The following HMGA2 variants were observed in gnomAD, a reference collection of about 807,000 sequenced individuals.
The protein encoded by HMGA2 is high mobility group protein HMGI-C.
In HMGA2, 8 loss-of-function variants were observed where a neutral mutation model predicts 19.1. The observed-to-expected ratio is 0.42, with a 90% CI of 0.25 to 0.76. The LOEUF is 0.76. Ranked by LOEUF, HMGA2 falls within the 30% of genes least tolerant of loss-of-function variation. The probability of loss-of-function intolerance (pLI) is 0.28; values close to 1 mark genes in which losing one functional copy is unlikely to be tolerated. For missense variants in HMGA2, 109 were observed against 136.3 expected, an observed-to-expected ratio of 0.80 and a Z score of 1.00; for synonymous variants, 60 against 48.8, an observed-to-expected ratio of 1.23 and a Z score of -0.96.
rs372718814 is a variant in HMGA2 at position 65,964,299 on chromosome 12, AAG to A, written c.*1008_*1009del. On this transcript the variant is annotated 3_prime_UTR_variant, in exon 5 of 5. Transcript: ENST00000403681. ...ATCAATTTAAAAAGCAAAAAAAAAA[AAG>A]GGGGGGGCAATCTCTCTCTGTGTCT... 33,055 of 207,284 alleles carry A rather than the reference AAG, an allele frequency of 0.16. 2,791 individuals carry two copies. Among genetic ancestry groups the A allele is most frequent in the South Asian group, 0.32 (1,635 of 5,136 alleles). The allele number at this position is 207,284 out of a possible 1,614,324, so 12.8% of individuals were successfully genotyped here.
rs774399701 is a variant in HMGA2, at chr12:65,964,617, A to AG, written c.*1326dup. On this transcript the variant is annotated 3_prime_UTR_variant, in exon 5 of 5. Transcript: ENST00000403681. ...CATGCTGCTATACACAAGCAATGCA[A>AG]GAAAAAAACTTACTGGGTAGGTGAT... is the stretch of plus-strand genomic sequence containing the variant. 2.3e-4 allele frequency: 49 copies of AG among 214,218 alleles called. No individual in the cohort carries two copies. The highest frequency in any genetic ancestry group is 4.1e-4 in the Admixed American group (7 of 17,116). The allele number at this position is 214,218 out of a possible 1,614,324, so 13.3% of individuals were successfully genotyped here.
intron 3 of HMGA2, chr12:65,876,758 G>A (rs535634080): frequency 6.6e-6 from 1 of 152,278 alleles, no homozygotes; most frequent in South Asian, 2.1e-4. Flanking sequence ...GAGCTTTCCA[G>A]ACAGCCTCCG....
intron 3 of HMGA2, chr12:65,866,936 G>A (rs73119894): frequency 0.025 from 11,482 of 456,972 alleles, 254 homozygotes; most frequent in South Asian, 0.05. Flanking sequence ...ATAGGAACAT[G>A]TGCCTTCCCA....
intron 3 of HMGA2, among the ~76,000 whole-genome samples, chr12:65,853,854 C>T (rs930123783): frequency 1.3e-5 from 2 of 152,206 alleles, no homozygotes; most frequent in Non-Finnish European, 2.9e-5. Flanking sequence ...GCCACCAAAG[C>T]ATTAAGTTCC....
chr12:65,949,411 G>T (rs904797111), intron 3 of HMGA2, among the ~76,000 whole-genome samples: 1 of 152,058 alleles, frequency 6.6e-6, no homozygotes, highest in Non-Finnish European at 1.5e-5. Context: ...AATAGTGAAC[G>T]TATCCTAAGT....
intron 3 of HMGA2, among the ~76,000 whole-genome samples, chr12:65,906,766 A>G (rs1445988023): frequency 6.6e-6 from 1 of 152,262 alleles, no homozygotes; most frequent in Non-Finnish European, 1.5e-5. Flanking sequence ...TATGCTAAAC[A>G]TTAAGTTCTG....
At chr12:65,954,626 A>T (rs2121318533) in intron 4 of HMGA2, 1 of 152,340 alleles carries the variant, frequency 6.6e-6, no homozygotes, top group African/African-American at 2.4e-5. Context: ...GTTTGTGTAT[A>T]CAAGTACATG....
chr12:65,889,164 T>C (rs1173887901), intron 3 of HMGA2, among the ~76,000 whole-genome samples: 2 of 152,260 alleles, frequency 1.3e-5, no homozygotes, highest in Non-Finnish European at 2.9e-5. Flanking sequence ...CCTTGTCCAA[T>C]GTTCAACTAG....
intron 3 of HMGA2, among the ~76,000 whole-genome samples, chr12:65,874,779 C>G (rs546507631): frequency 6.6e-6 from 1 of 152,176 alleles, no homozygotes; most frequent in Admixed American, 6.5e-5. Flanking sequence ...TTCACAAGTA[C>G]GCTTAAAAAT....
Position 65,963,745 on chromosome 12 carries a change from G to A in HMGA2, c.*453G>A. 3.3e-6 allele frequency: 1 copy of A among 301,084 alleles called. No individual in the cohort carries two copies. Among genetic ancestry groups the A allele is most frequent in the Non-Finnish European group, 6.2e-6 (1 of 161,302 alleles). 18.7% of individuals were successfully genotyped at this position (301,084 alleles called of 1,614,324 possible). A position where few individuals can be genotyped will look rare whatever the true frequency, so the allele number is the denominator to read the frequency against. On this transcript the variant is annotated 3_prime_UTR_variant, in exon 5 of 5. Transcript: ENST00000403681. Reference sequence around the variant, plus strand: ...GGAAGAACGCGGTGTGTAACACTGTGTACACCTCAAATACCACCCCAACCC... The same window carrying A: ...GGAAGAACGCGGTGTGTAACACTGTATACACCTCAAATACCACCCCAACCC...
intron 4 of HMGA2, among the ~76,000 whole-genome samples, chr12:65,961,809 G>T (rs1487343224): frequency 6.6e-6 from 1 of 151,854 alleles, no homozygotes; most frequent in Non-Finnish European, 1.5e-5. Flanking sequence ...ATTCTTGTGG[G>T]GTTTTTTTCT....
At chr12:65,947,729 A>G (rs79870102) in intron 3 of HMGA2, among the ~76,000 whole-genome samples, 1,753 of 152,352 alleles carry the variant, frequency 0.012, 20 homozygotes, top group Middle Eastern at 0.02. Context: ...AGGCTTTGCT[A>G]TCTGTTCACT....
Position 65,825,488 on chromosome 12 carries a change from C to A in HMGA2, c.111+107C>A. On this transcript the variant is annotated intron_variant, in intron 1 of 4. Coordinates refer to ENST00000403681, the MANE Select transcript of HMGA2 (RefSeq NM_003483.6). The surrounding 1 kb of genome is among the most constrained non-coding windows in gnomAD (Gnocchi z 4.4). The stretch of plus-strand genomic sequence containing the variant: ...GCGGGAGCCCAGTCGCCGCGGCCGT[C>A]GCACACTGCCCGCCGGCCGGCCGGG... The A allele has an allele frequency of 4.5e-6, 3 of 662,012 alleles. No individual in the cohort carries two copies. Among genetic ancestry groups the A allele is most frequent in the South Asian group, 4.4e-5 (1 of 22,662 alleles). The allele number at this position is 662,012 out of a possible 1,614,324, so 41.0% of individuals were successfully genotyped here. A position where few individuals can be genotyped will look rare whatever the true frequency, so the allele number is the denominator to read the frequency against.
At chr12:65,828,149 G>A (rs1194630543) in intron 2 of HMGA2, 62 bp downstream of exon 2, 6 of 1,226,146 alleles carry the variant, frequency 4.9e-6, no homozygotes, top group Non-Finnish European at 7.3e-6. Flanking sequence ...GAGCCTGCCT[G>A]TAACTTTCCC....
chr12:65,827,175 C>G (rs889189054), intron 1 of HMGA2, among the ~76,000 whole-genome samples: 1 of 152,220 alleles, frequency 6.6e-6, no homozygotes, highest in Non-Finnish European at 1.5e-5. Context: ...GTGATTGCTT[C>G]CATTTCTCAT....
chr12:65,921,135 T>C (rs1170189057), intron 3 of HMGA2, among the ~76,000 whole-genome samples: 1 of 152,270 alleles, frequency 6.6e-6, no homozygotes, highest in East Asian at 1.9e-4. Context: ...ATTTTGCCAC[T>C]GCCCTAGAGA....
At chr12:65,842,475 C>A (rs1565704449) in intron 3 of HMGA2, 4 of 832,228 alleles carry the variant, frequency 4.8e-6, no homozygotes, top group Non-Finnish European at 7.6e-6. Context: ...TCAGACTAAC[C>A]AAGTACCCTT....
At chr12:65,933,819 G>T (rs1875800723) in intron 3 of HMGA2, among the ~76,000 whole-genome samples, 1 of 152,110 alleles carries the variant, frequency 6.6e-6, no homozygotes, top group Admixed American at 6.6e-5. Flanking sequence ...TTTGTAAGAA[G>T]AGTTAACCTG....
chr12:65,939,870 GATGTGATT>G (rs1236170549), intron 3 of HMGA2, among the ~76,000 whole-genome samples: 1 of 152,200 alleles, frequency 6.6e-6, no homozygotes, highest in Non-Finnish European at 1.5e-5. Flanking sequence ...GAAGGGGAGA[GATGTGATT>G]ATGTAGATGG....
Sources: gnomAD v4.1 joint callset for allele counts (sites outside exome capture counted in the v4.1 genomes callset) on GRCh38, gnomAD v4.1.1 for gene constraint, Gnocchi (gnomAD v3.1) non-coding constraint, MANE v1.5 for transcripts, NCBI Gene and HGNC (gene_info 2026-07-23, HGNC 2026-07-21) for gene names.